The following PTPRD variants were observed in gnomAD, a reference collection of about 807,000 sequenced individuals.
PTPRD encodes the protein protein tyrosine phosphatase receptor type D.
A neutral mutation model predicts 214.5 loss-of-function variants in PTPRD; 34 were observed. The observed-to-expected ratio is 0.16, with a 90% CI of 0.12 to 0.21. The LOEUF (loss-of-function observed/expected upper bound fraction) is 0.21. Ranked by LOEUF, PTPRD falls within the 10% of genes least tolerant of loss-of-function variation. The pLI is 1.00. For missense variants in PTPRD, 2,545 were observed against 2,398.7 expected (o/e 1.06, Z -1.27); for synonymous variants, 1,128 against 845.7 (o/e 1.33, Z -5.79).
intron 30 of PTPRD, 145 bp from the exon 31 acceptor site, chr9:8,471,230 A>T: frequency 1.5e-6 from 1 of 666,962 alleles, no homozygotes; most frequent in Non-Finnish European, 2.7e-6. Context: ...AATGACAAAT[A>T]TCCACCTGTT....
chr9:9,045,615 A>T (rs1390906716), intron 10 of PTPRD, among the ~76,000 whole-genome samples: 1 of 152,148 alleles, frequency 6.6e-6, no homozygotes, highest in Non-Finnish European at 1.5e-5. Flanking sequence ...TGAATGACAC[A>T]TTATTTCCTC....
At chr9:9,199,398 C>T (rs2099940557) in intron 9 of PTPRD, among the ~76,000 whole-genome samples, 1 of 152,136 alleles carries the variant, frequency 6.6e-6, no homozygotes, top group South Asian at 2.1e-4. Context: ...GTCCCGTATG[C>T]CCTATGGTAC....
intron 12 of PTPRD, among the ~76,000 whole-genome samples, chr9:8,708,981 TG>T (rs1217539696): frequency 6.6e-6 from 1 of 151,928 alleles, no homozygotes; most frequent in Non-Finnish European, 1.5e-5. Flanking sequence ...TTATGGCAAG[TG>T]AAGTAAGCCA....
intron 2 of PTPRD, among the ~76,000 whole-genome samples, chr9:10,418,183 T>C (rs1396746663): frequency 6.6e-6 from 1 of 151,834 alleles, no homozygotes; most frequent in Non-Finnish European, 1.5e-5. Flanking sequence ...CCTTTGAATT[T>C]CTTCACTGAC....
At chr9:10,241,496 C>T (rs2091042181) in intron 3 of PTPRD, among the ~76,000 whole-genome samples, 1 of 151,854 alleles carries the variant, frequency 6.6e-6, no homozygotes, top group Non-Finnish European at 1.5e-5. Context: ...TATAGCCATG[C>T]AATGAACTAC....
chr9:9,584,886 G>A (rs1019476902), intron 7 of PTPRD, among the ~76,000 whole-genome samples: 5 of 151,808 alleles, frequency 3.3e-5, no homozygotes, highest in Admixed American at 6.6e-5. Flanking sequence ...TGCTTTACAC[G>A]TCTTATGATT....
At chr9:8,640,549 A>G (rs2096551212) in intron 12 of PTPRD, among the ~76,000 whole-genome samples, 1 of 132,230 alleles carries the variant, frequency 7.6e-6, no homozygotes, top group Non-Finnish European at 1.6e-5. Context: ...ATATTCTTAA[A>G]AAACAAAAAA....
intron 9 of PTPRD, among the ~76,000 whole-genome samples, chr9:9,303,272 T>A (rs1312673816): frequency 6.6e-6 from 1 of 151,996 alleles, no homozygotes; most frequent in African/African-American, 2.4e-5. Context: ...ATTGGTTTGG[T>A]TTGTCATTCT....
chr9:10,003,242 T>C (rs377187814), intron 4 of PTPRD, among the ~76,000 whole-genome samples: 5 of 151,716 alleles, frequency 3.3e-5, no homozygotes, highest in Admixed American at 2.6e-4. Flanking sequence ...CCTAGAATAC[T>C]GGATCTATGG....
chr9:10,090,383 G>A (rs2098414561), intron 3 of PTPRD, among the ~76,000 whole-genome samples: 1 of 151,146 alleles, frequency 6.6e-6, no homozygotes, highest in South Asian at 2.1e-4. Flanking sequence ...TAATTATTCA[G>A]GTCTCAAACA....
At chr9:8,564,513 C>T (rs2088029255) in intron 14 of PTPRD, among the ~76,000 whole-genome samples, 1 of 152,026 alleles carries the variant, frequency 6.6e-6, no homozygotes, top group Non-Finnish European at 1.5e-5. Context: ...CCAGCCAGGC[C>T]AACATGGTGA....
At chr9:9,245,013 G>T (rs2099972342) in intron 9 of PTPRD, among the ~76,000 whole-genome samples, 1 of 152,174 alleles carries the variant, frequency 6.6e-6, no homozygotes, top group Non-Finnish European at 1.5e-5. Flanking sequence ...AGACATTTAT[G>T]CAGCCAACAG....
chr9:9,288,432 C>T (rs1369264836), intron 9 of PTPRD, among the ~76,000 whole-genome samples: 1 of 151,774 alleles, frequency 6.6e-6, no homozygotes, highest in African/African-American at 2.4e-5. Flanking sequence ...ATAATAAATA[C>T]TTAAAAAACA....
intron 2 of PTPRD, among the ~76,000 whole-genome samples, chr9:10,452,218 A>T (rs1266492183): frequency 6.6e-6 from 1 of 151,902 alleles, no homozygotes; most frequent in Non-Finnish European, 1.5e-5. Flanking sequence ...TTCCTTCATT[A>T]ATCCATTGGT....
intron 14 of PTPRD, among the ~76,000 whole-genome samples, chr9:8,533,611 A>G (rs1564130019): frequency 1.3e-5 from 2 of 151,954 alleles, no homozygotes; most frequent in Non-Finnish European, 2.9e-5. Context: ...ATCCCCTGGA[A>G]TTACTTTTCT....
At chr9:9,421,158 G>C (rs1489105539) in intron 8 of PTPRD, among the ~76,000 whole-genome samples, 2 of 151,614 alleles carry the variant, frequency 1.3e-5, no homozygotes, top group African/African-American at 4.8e-5. Flanking sequence ...CCATAACCTC[G>C]AGAGCCATAA....
intron 4 of PTPRD, among the ~76,000 whole-genome samples, chr9:9,988,818 T>G (rs2095809042): frequency 6.6e-6 from 1 of 151,850 alleles, no homozygotes; most frequent in African/African-American, 2.4e-5. Flanking sequence ...TATTTTCTTT[T>G]TATGGCCACA....
intron 8 of PTPRD, among the ~76,000 whole-genome samples, chr9:9,505,086 A>T (rs1488967367): frequency 6.6e-6 from 1 of 151,540 alleles, no homozygotes. Flanking sequence ...TCAAGCTTGC[A>T]TCACAGTTTG....
At chr9:9,165,896 T>C (rs1291797169) in intron 10 of PTPRD, among the ~76,000 whole-genome samples, 6 of 152,194 alleles carry the variant, frequency 3.9e-5, no homozygotes, top group Admixed American at 3.3e-4. Context: ...AATTATAAAA[T>C]GTAATAATAA....
Sources: allele counts gnomAD v4.1 joint callset (sites outside exome capture counted in the v4.1 genomes callset), GRCh38; gene constraint gnomAD v4.1.1; transcripts MANE v1.5; gene names NCBI Gene and HGNC (gene_info 2026-07-23, HGNC 2026-07-21).